Variants in NR1H4 observed in about 807,000 individuals in gnomAD.
The protein encoded by NR1H4 is bile acid receptor.
NR1H4 carries 23 observed loss-of-function variants against 58.5 expected under a neutral mutation model. That is an observed-to-expected ratio of 0.39 (90% CI 0.28 to 0.56). The LOEUF (loss-of-function observed/expected upper bound fraction) is 0.56. NR1H4 is among the 20% of genes least tolerant of loss of function. The pLI is 0.58. For missense variants in NR1H4, 487 were observed against 576.9 expected, an observed-to-expected ratio of 0.84 and a Z score of 1.60; for synonymous variants, 214 against 198.0, an observed-to-expected ratio of 1.08 and a Z score of -0.68.
intron 10 of NR1H4, among the ~76,000 whole-genome samples, chr12:100,562,436 GT>G (rs1955497486): frequency 6.6e-6 from 1 of 152,150 alleles, no homozygotes; most frequent in Non-Finnish European, 1.5e-5. Flanking sequence ...CTTTTTTTAA[GT>G]GGGTGGCATT....
intron 3 of NR1H4, among the ~76,000 whole-genome samples, chr12:100,507,398 T>C (rs1953992449): frequency 6.6e-6 from 1 of 152,196 alleles, no homozygotes; most frequent in African/African-American, 2.4e-5. Context: ...CAAGGCACCA[T>C]TTCTAAAATA....
chr12:100,534,045 C>T (rs528835316), intron 5 of NR1H4, among the ~76,000 whole-genome samples: 2 of 152,060 alleles, frequency 1.3e-5, no homozygotes, highest in African/African-American at 2.4e-5. Flanking sequence ...TACAGGCGCC[C>T]GCCACTGCGC....
At chr12:100,484,053 T>C (rs1367025780) in intron 1 of NR1H4, among the ~76,000 whole-genome samples, 3 of 151,110 alleles carry the variant, frequency 2.0e-5, no homozygotes. Context: ...CCTCTGAGCA[T>C]AAAATGATGA....
At chr12:100,555,473 C>T (rs1444979337) in intron 9 of NR1H4, among the ~76,000 whole-genome samples, 11 of 152,062 alleles carry the variant, frequency 7.2e-5, no homozygotes, top group African/African-American at 2.7e-4. Context: ...TTTTTAAAAC[C>T]TACATGGCTT....
intron 4 of NR1H4, among the ~76,000 whole-genome samples, chr12:100,525,652 A>T (rs1167966019): frequency 9.2e-5 from 14 of 152,232 alleles, no homozygotes; most frequent in Admixed American, 9.2e-4. Flanking sequence ...GGCCTCATAA[A>T]ATAAGTTAGA....
At chr12:100,549,945 AT>A (rs528078588) in intron 9 of NR1H4, among the ~76,000 whole-genome samples, 110 of 152,260 alleles carry the variant, frequency 7.2e-4, no homozygotes, top group African/African-American at 2.3e-3. Flanking sequence ...AATCATTCTT[AT>A]TTCTATTATA....
intron 4 of NR1H4, among the ~76,000 whole-genome samples, chr12:100,518,074 A>G (rs1047424964): frequency 6.6e-6 from 1 of 152,200 alleles, no homozygotes; most frequent in Admixed American, 6.5e-5. Context: ...AAGGGAATGA[A>G]TCCCTAAAGT....
intron 4 of NR1H4, among the ~76,000 whole-genome samples, chr12:100,523,623 G>A (rs1251281197): frequency 6.6e-6 from 1 of 152,092 alleles, no homozygotes; most frequent in African/African-American, 2.4e-5. Context: ...TAGTCTTGAT[G>A]TACCTGGCAC....
Position 100,495,802 on chromosome 12 carries a change from C to G in NR1H4, c.79+2400C>G, listed in dbSNP as rs367778353. Among the ~76,000 whole-genome samples the G allele has an allele frequency of 5.9e-5, 9 of 151,936 alleles. 1 individual carries two copies. The East Asian group carries it at 9.7e-4, about 16-fold the overall frequency. On this transcript the variant is annotated intron_variant, in intron 3 of 10. Coordinates refer to ENST00000392986, the MANE Select transcript of NR1H4 (RefSeq NM_001206979.2). ...GGGGAGGACGAAGAAAATTTTGATT[C>G]CTTTATTCCTCTTCCTCATCTTCTT...
rs1200296956 is a variant in NR1H4, at chr12:100,563,983, G to A, written c.*494G>A. On this transcript the variant is annotated 3_prime_UTR_variant, in exon 11 of 11. Transcript: ENST00000392986. ...GAAAGATACTGTCTCTCGCACTTTT[G>A]TCATCTCTGGAAAAGTCCTGGTGAA... is the stretch of plus-strand genomic sequence containing the variant. 1 of 156,350 alleles carries A rather than the reference G, an allele frequency of 6.4e-6. No homozygotes were observed. Among genetic ancestry groups the A allele is most frequent in the African/African-American group, 2.4e-5 (1 of 41,454 alleles). The allele number at this position is 156,350 out of a possible 1,614,324, so 9.7% of individuals were successfully genotyped here. A position where few individuals can be genotyped will look rare whatever the true frequency, so the allele number is the denominator to read the frequency against.
At chr12:100,522,498 T>C (rs1426276528) in intron 4 of NR1H4, among the ~76,000 whole-genome samples, 1 of 152,176 alleles carries the variant, frequency 6.6e-6, no homozygotes, top group Non-Finnish European at 1.5e-5. Flanking sequence ...AAATGGGATA[T>C]TATTTTTAAA....
chr12:100,498,591 G>A (rs1414731136), intron 3 of NR1H4, among the ~76,000 whole-genome samples: 7 of 151,168 alleles, frequency 4.6e-5, no homozygotes, highest in African/African-American at 1.7e-4. Context: ...TGAGATGGGC[G>A]ACAGAGTGAG....
intron 3 of NR1H4, among the ~76,000 whole-genome samples, chr12:100,505,289 G>A (rs924135071): frequency 6.6e-6 from 1 of 152,148 alleles, no homozygotes; most frequent in Non-Finnish European, 1.5e-5. Context: ...TTTCCCATTT[G>A]GGGGTACAGT....
intron 9 of NR1H4, among the ~76,000 whole-genome samples, chr12:100,545,659 A>C (rs1035222602): frequency 3.4e-5 from 5 of 147,682 alleles, no homozygotes; most frequent in East Asian, 3.9e-4. Context: ...AAAAAAAAAA[A>C]AAAAAAAAAA....
chr12:100,523,515 C>T (rs1429484926), intron 4 of NR1H4, among the ~76,000 whole-genome samples: 1 of 152,162 alleles, frequency 6.6e-6, no homozygotes. Flanking sequence ...TGTCTGTTCA[C>T]TCTGATGATT....
At chr12:100,495,744 A>C (rs180930926) in intron 3 of NR1H4, among the ~76,000 whole-genome samples, 172 of 151,830 alleles carry the variant, frequency 1.1e-3, no homozygotes, top group East Asian at 0.011. Flanking sequence ...AACAAACAAA[A>C]AAAAAACATA....
chr12:100,478,685 A>AT (rs1953319225), intron 1 of NR1H4, among the ~76,000 whole-genome samples: 2 of 152,090 alleles, frequency 1.3e-5, no homozygotes, highest in African/African-American at 4.8e-5. Context: ...TCCACTGTTG[A>AT]TGGTTTTTTA....
At chr12:100,558,288 G>T (rs891887773) in intron 9 of NR1H4, among the ~76,000 whole-genome samples, 4 of 144,770 alleles carry the variant, frequency 2.8e-5, no homozygotes, top group Admixed American at 1.4e-4. Flanking sequence ...GACGGAGGTT[G>T]CAGTGAGCCA....
chr12:100,477,879 G>A (rs1049451289), intron 1 of NR1H4, among the ~76,000 whole-genome samples: 1 of 152,148 alleles, frequency 6.6e-6, no homozygotes, highest in South Asian at 2.1e-4. Flanking sequence ...CTGGAGTCCC[G>A]ACTCTGAATC....
Sources: gnomAD v4.1 joint callset for allele counts (sites outside exome capture counted in the v4.1 genomes callset) on GRCh38, gnomAD v4.1.1 for gene constraint, MANE v1.5 for transcripts, NCBI Gene and HGNC (gene_info 2026-07-23, HGNC 2026-07-21) for gene names.